The following SH3RF3 variants were observed in gnomAD, a reference collection of about 807,000 sequenced individuals.
The protein encoded by SH3RF3 is E3 ubiquitin-protein ligase SH3RF3.
SH3RF3 carries 29 observed loss-of-function variants against 66.3 expected under a neutral mutation model. The ratio of observed to expected loss-of-function variants is 0.44; its 90% CI spans 0.33 to 0.60. The LOEUF (loss-of-function observed/expected upper bound fraction) is 0.60. Ranked by LOEUF, SH3RF3 falls within the 20% of genes least tolerant of loss-of-function variation. The probability of loss-of-function intolerance (pLI) is 0.04; values close to 1 mark genes in which losing one functional copy is unlikely to be tolerated. For missense variants in SH3RF3, 1,194 were observed against 1,190.9 expected, an observed-to-expected ratio of 1.00 and a Z score of -0.04; for synonymous variants, 583 against 532.0, an observed-to-expected ratio of 1.10 and a Z score of -1.32.
chr2:109,382,449 A>C lies in SH3RF3; in HGVS notation c.945+10768A>C, dbSNP rs116696463. On this transcript the variant is annotated intron_variant, in intron 3 of 9. Transcript: ENST00000309415. ...ACCTCCCTCAGCAGCCCACCTCCTGACCCCCGACGTGGTTGGCCTTTCCTC... is the reference window on the plus strand; with the variant it reads ...ACCTCCCTCAGCAGCCCACCTCCTGCCCCCCGACGTGGTTGGCCTTTCCTC... Among the ~76,000 whole-genome samples, 1,454 of 151,786 alleles carry C rather than the reference A, an allele frequency of 9.6e-3. 26 individuals carry two copies. Among genetic ancestry groups the C allele is most frequent in the African/African-American group, 0.034 (1,386 of 41,366 alleles).
At chr2:109,428,228 C>T (rs114817379) in intron 5 of SH3RF3, among the ~76,000 whole-genome samples, 2,942 of 152,304 alleles carry the variant, frequency 0.019, 44 homozygotes, top group Non-Finnish European at 0.031. Flanking sequence ...TTTTAGAAGA[C>T]GTATGAGCAA....
intron 1 of SH3RF3, among the ~76,000 whole-genome samples, chr2:109,194,707 C>G (rs1435807267): frequency 1.3e-5 from 2 of 152,160 alleles, no homozygotes; most frequent in Non-Finnish European, 2.9e-5. Context: ...GAGCTTCATT[C>G]CCTCCACCCT....
At chr2:109,196,075 C>A (rs568228239) in intron 1 of SH3RF3, among the ~76,000 whole-genome samples, 2 of 152,216 alleles carry the variant, frequency 1.3e-5, no homozygotes, top group Non-Finnish European at 2.9e-5. Context: ...CCAGAGGGAA[C>A]GCAGACCACC....
chr2:109,347,559 A>G, intron 1 of SH3RF3, 115 bp from the exon 2 acceptor site: 2 of 1,385,060 alleles, frequency 1.4e-6, no homozygotes, highest in East Asian at 2.5e-5. Context: ...GGCACTCTGT[A>G]TGCACCCCCA....
intron 8 of SH3RF3, among the ~76,000 whole-genome samples, chr2:109,489,554 C>T (rs998918521): frequency 3.9e-5 from 6 of 152,192 alleles, no homozygotes; most frequent in Admixed American, 2.6e-4. Context: ...CAGACAATGA[C>T]GTTGCCAGGC....
chr2:109,324,354 T>C (rs996991680), intron 1 of SH3RF3, among the ~76,000 whole-genome samples: 3 of 152,208 alleles, frequency 2.0e-5, no homozygotes, highest in Admixed American at 6.5e-5. Context: ...TTTAACCTTC[T>C]GAGGGGCTGC....
chr2:109,371,658 A>T lies in SH3RF3; in HGVS notation c.922A>T (p.Ile308Phe), dbSNP rs1345022172. The change falls in exon 3 of 10, where the codon ATC becomes TTC. Residue 308 changes from isoleucine (I) to phenylalanine (F), a missense_variant. Physicochemically the swap from Ile to Phe is conservative, Grantham distance 21. Coordinates refer to ENST00000309415, the MANE Select transcript of SH3RF3 (RefSeq NM_001099289.3). ...AGGCATGCTGGGAGACAAGATCGGGATCTTCCCGCTCCTGTACGTGGAGGT... is the reference window on the plus strand; with the variant it reads ...AGGCATGCTGGGAGACAAGATCGGGTTCTTCCCGCTCCTGTACGTGGAGGT... ...AEGMLGDKIG[I>F]FPLLYVELND... 1 of 1,613,852 alleles carries T rather than the reference A, an allele frequency of 6.2e-7. No homozygotes were observed.
intron 2 of SH3RF3, among the ~76,000 whole-genome samples, chr2:109,358,552 T>C (rs1682996884): frequency 6.6e-6 from 1 of 152,226 alleles, no homozygotes; most frequent in South Asian, 2.1e-4. Context: ...CACATCCTCA[T>C]CAACACACTA....
At chr2:109,323,901 C>T (rs1168440477) in intron 1 of SH3RF3, among the ~76,000 whole-genome samples, 1 of 152,230 alleles carries the variant, frequency 6.6e-6, no homozygotes, top group Non-Finnish European at 1.5e-5. Context: ...ACCACCATCA[C>T]TGTCTAATTT....
At chr2:109,332,360 C>T (rs1338030142) in intron 1 of SH3RF3, among the ~76,000 whole-genome samples, 1 of 152,118 alleles carries the variant, frequency 6.6e-6, no homozygotes, top group Non-Finnish European at 1.5e-5. Context: ...TGCACTTGCT[C>T]CTTCCTTCTC....
intron 1 of SH3RF3, among the ~76,000 whole-genome samples, chr2:109,281,278 G>A (rs535884462): frequency 6.6e-6 from 1 of 152,224 alleles, no homozygotes; most frequent in Non-Finnish European, 1.5e-5. Flanking sequence ...TGTGGGTTTT[G>A]TTGGGGTGGA....
chr2:109,490,559 T>G lies in SH3RF3; in HGVS notation c.2149-46T>G, dbSNP rs960500665. ...CCCCTCTCTCTGACAGCAAGGGCAT[T>G]GGGAAGCATTCACCTGTTTGGTTTC... On this transcript the variant is annotated intron_variant, in intron 8 of 9. Transcript: ENST00000309415. 4 of 1,360,406 alleles carry G rather than the reference T, an allele frequency of 2.9e-6. No individual in the cohort carries two copies. In the Admixed American group the frequency reaches 1.2e-4, roughly 42 times the overall value. 84.3% of individuals were successfully genotyped at this position (1,360,406 alleles called of 1,614,324 possible). A position where few individuals can be genotyped will look rare whatever the true frequency, so the allele number is the denominator to read the frequency against.
rs562056440 is a variant in SH3RF3, at chr2:109,371,601, G to T, written c.865G>T (p.Val289Leu). 1.2e-6 allele frequency: 2 copies of T among 1,614,036 alleles called. No individual in the cohort carries two copies. Among genetic ancestry groups the T allele is most frequent in the Non-Finnish European group, 1.7e-6 (2 of 1,179,908 alleles). The change falls in exon 3 of 10, where the codon GTG (valine) becomes TTG (leucine). Residue 289 changes from valine (V) to leucine (L), a missense_variant. Coordinates refer to ENST00000309415, the MANE Select transcript of SH3RF3 (RefSeq NM_001099289.3). ...LTFTKDEILTVLRRVDENWAE... is the reference protein window; with the variant it reads ...LTFTKDEILTLLRRVDENWAE... Reference sequence around the variant, plus strand: ...GGAACTGCAGGACGAGATTCTGACGGTGCTCAGGAGAGTGGATGAGAACTG... The same window carrying T: ...GGAACTGCAGGACGAGATTCTGACGTTGCTCAGGAGAGTGGATGAGAACTG...
intron 8 of SH3RF3, among the ~76,000 whole-genome samples, chr2:109,466,739 G>A (rs1215483818): frequency 1.3e-5 from 2 of 152,148 alleles, no homozygotes; most frequent in Non-Finnish European, 2.9e-5. Flanking sequence ...TTCATTCTGA[G>A]TGTGTGCATT....
intron 9 of SH3RF3, among the ~76,000 whole-genome samples, chr2:109,497,358 G>A (rs1341197902): frequency 2.0e-5 from 3 of 152,202 alleles, no homozygotes; most frequent in African/African-American, 7.2e-5. Context: ...TGCAGACTCT[G>A]TTGTCAGGGA....
At chr2:109,499,359 G>A (rs2104411744) in intron 9 of SH3RF3, among the ~76,000 whole-genome samples, 2 of 152,340 alleles carry the variant, frequency 1.3e-5, no homozygotes, top group East Asian at 3.9e-4. Flanking sequence ...TTTAGGCAGA[G>A]AGAATAGCTG....
At chr2:109,410,689 C>T (rs533147627) in intron 4 of SH3RF3, among the ~76,000 whole-genome samples, 2 of 152,356 alleles carry the variant, frequency 1.3e-5, no homozygotes, top group South Asian at 4.1e-4. Context: ...TGTGTGTCCA[C>T]TTGCCTAGGC....
At chr2:109,274,092 A>T (rs188019815) in intron 1 of SH3RF3, among the ~76,000 whole-genome samples, 2 of 152,308 alleles carry the variant, frequency 1.3e-5, no homozygotes, top group Non-Finnish European at 2.9e-5. Flanking sequence ...CTTTATTGTC[A>T]TGTCAAGGAA....
intron 1 of SH3RF3, 129 bp from the exon 2 acceptor site, chr2:109,347,545 G>C (rs1682738233): frequency 3.2e-6 from 4 of 1,245,532 alleles, no homozygotes; most frequent in Non-Finnish European, 2.2e-6. Context: ...TTTTCCACTT[G>C]CGGGGCACTC....
Sources: allele counts gnomAD v4.1 joint callset (sites outside exome capture counted in the v4.1 genomes callset), GRCh38; gene constraint gnomAD v4.1.1; transcripts MANE v1.5; gene names NCBI Gene and HGNC (gene_info 2026-07-23, HGNC 2026-07-21).